Variants in ASB10 observed in about 807,000 individuals in gnomAD.
ASB10 encodes ankyrin repeat and SOCS box protein 10.
ASB10 carries 44 observed loss-of-function variants against 35.4 expected under a neutral mutation model. The ratio of observed to expected loss-of-function variants is 1.24; its 90% CI spans 0.98 to 1.60. ASB10 has a LOEUF of 1.60. ASB10 is among the 40% of genes most tolerant of loss of function. The pLI is 0.00. For missense variants in ASB10, 647 were observed against 634.3 expected, an observed-to-expected ratio of 1.02 and a Z score of -0.22; for synonymous variants, 294 against 280.4, an observed-to-expected ratio of 1.05 and a Z score of -0.49.
intron 5 of ASB10, 57 bp downstream of exon 5, chr7:151,176,055 T>C: frequency 6.3e-7 from 1 of 1,576,816 alleles, no homozygotes; most frequent in Non-Finnish European, 8.6e-7. Context: ...TTCTCTTGCC[T>C]TCCACACATC....
At chr7:151,177,620 G>T (rs527520962) in intron 3 of ASB10, among the ~76,000 whole-genome samples, 2 of 152,224 alleles carry the variant, frequency 1.3e-5, no homozygotes, top group Admixed American at 1.3e-4. Context: ...GGGGCTGGGT[G>T]GGGGACTCAC....
chr7:151,178,680 G>C (rs1010588327), intron 3 of ASB10, among the ~76,000 whole-genome samples: 1 of 152,202 alleles, frequency 6.6e-6, no homozygotes, highest in Admixed American at 6.5e-5. Flanking sequence ...TCTGTCAGAC[G>C]AGAGTACCAA....
At chr7:151,184,612 G>C (rs1387503733) in intron 2 of ASB10, among the ~76,000 whole-genome samples, 1 of 152,144 alleles carries the variant, frequency 6.6e-6, no homozygotes, top group Non-Finnish European at 1.5e-5. Flanking sequence ...TGGGTGGTTA[G>C]TGTTTGATGG....
In ASB10 at chr7:151,186,611, A is replaced by C. The variant is rs756990257; in HGVS notation, c.365T>G (p.Val122Gly). The C allele has an allele frequency of 3.7e-6, 6 of 1,611,044 alleles. No homozygotes were observed. The highest frequency in any genetic ancestry group is 5.1e-6 in the Non-Finnish European group (6 of 1,179,230). The stretch of plus-strand genomic sequence containing the variant: ...TTCCGTGTGGCCACGGCTGGCTGCC[A>C]CATGCAGTGGGGTGGTCAGCTCCTC... ...YEEELTTPLHVAASRGHTEVL... is the reference protein window; with the variant it reads ...YEEELTTPLHGAASRGHTEVL... The change falls in exon 2 of 6, where the codon GTG (valine) becomes GGG (glycine). Residue 122 changes from valine (V) to glycine (G), a missense_variant. Coordinates refer to ENST00000420175, the MANE Select transcript of ASB10 (RefSeq NM_001142459.2).
chr7:151,176,336 A>G, intron 4 of ASB10, 39 bp from the exon 5 acceptor site: 4 of 1,519,776 alleles, frequency 2.6e-6, no homozygotes, highest in Non-Finnish European at 3.5e-6. Flanking sequence ...AGGCAGCCTC[A>G]GACAGGTAGC....
chr7:151,185,563 G>T (rs1185198490), intron 2 of ASB10, among the ~76,000 whole-genome samples: 8 of 152,140 alleles, frequency 5.3e-5, no homozygotes, highest in African/African-American at 1.7e-4. Context: ...AGGCTGATGA[G>T]ATTAACAAGA....
intron 2 of ASB10, 32 bp downstream of exon 2, chr7:151,186,360 G>A (rs757421848): frequency 2.6e-6 from 4 of 1,551,784 alleles, no homozygotes; most frequent in Non-Finnish European, 3.5e-6. Flanking sequence ...CCTTCAGAGT[G>A]GAACTGGGGG....
intron 2 of ASB10, among the ~76,000 whole-genome samples, chr7:151,183,711 G>A (rs1264000196): frequency 3.9e-5 from 6 of 152,088 alleles, no homozygotes; most frequent in Admixed American, 3.9e-4. Context: ...TCAGCCTCCC[G>A]AGTAGCTGGG....
intron 3 of ASB10, among the ~76,000 whole-genome samples, chr7:151,180,044 G>A (rs1017582378): frequency 1.3e-5 from 2 of 152,228 alleles, no homozygotes; most frequent in African/African-American, 4.8e-5. Flanking sequence ...AGCAGGGGTG[G>A]TCCCAGGACA....
rs1801376487 is a variant in ASB10, at chr7:151,175,923, G to T, written c.*44C>A. Reference sequence around the variant, plus strand: ...TAGTGCAGAGGCGCGCCCTCTGCAGGCTGGGGCATCTGCTTTCAGGCCCTC... The same window carrying T: ...TAGTGCAGAGGCGCGCCCTCTGCAGTCTGGGGCATCTGCTTTCAGGCCCTC... On this transcript the variant is annotated 3_prime_UTR_variant, in exon 6 of 6. Coordinates refer to ENST00000420175, the MANE Select transcript of ASB10 (RefSeq NM_001142459.2). 2.7e-6 allele frequency: 2 copies of T among 732,494 alleles called. No individual in the cohort carries two copies. Among genetic ancestry groups the T allele is most frequent in the South Asian group, 2.0e-5 (1 of 50,078 alleles). The allele number at this position is 732,494 out of a possible 1,614,324, so 45.4% of individuals were successfully genotyped here.
chr7:151,187,502 A>G, upstream of ASB10: 14 of 1,551,332 alleles, frequency 9.0e-6, no homozygotes, highest in Non-Finnish European at 1.2e-5. The surrounding 1 kb of genome is among the most constrained non-coding windows in gnomAD (Gnocchi z 5.3). Flanking sequence ...CTCCAGCAGC[A>G]GGTCGGCTGT....
In ASB10 at chr7:151,176,160, C is replaced by T. The variant is rs1156510454; in HGVS notation, c.1356G>A (p.Pro452=). The T allele has an allele frequency of 5.6e-6, 9 of 1,611,692 alleles. No homozygotes were observed. Among genetic ancestry groups the T allele is most frequent in the Admixed American group, 1.7e-5 (1 of 59,992 alleles). Residue 452 remains proline (P), a synonymous_variant, in exon 5 of 6, where the codon CCG becomes CCA. Coordinates refer to ENST00000420175, the MANE Select transcript of ASB10 (RefSeq NM_001142459.2). ...CCAGCTGCAGGTAGCGGAGCAGGCG[C>T]GGTGGCAGGGGGAGGCGGGGCAGCG... ...PQALPRLPLP[P]RLLRYLQLDF... is the part of the protein sequence containing the mutation.
At chr7:151,186,320 C>T (rs1420743926) in intron 2 of ASB10, 72 bp downstream of exon 2, 1 of 1,481,502 alleles carries the variant, frequency 6.7e-7, no homozygotes, top group Middle Eastern at 2.4e-4. Flanking sequence ...ACATTTTCCC[C>T]CATCCTCCCT....
intron 5 of ASB10, 30 bp from the exon 6 acceptor site, chr7:151,175,996 T>C (rs572360917): frequency 3.6e-5 from 46 of 1,273,804 alleles, no homozygotes; most frequent in Non-Finnish European, 4.7e-5. Flanking sequence ...TTCAGAGGCT[T>C]CTGGTGGTTC....
At chr7:151,178,402 G>T (rs556852420) in intron 3 of ASB10, among the ~76,000 whole-genome samples, 34 of 152,352 alleles carry the variant, frequency 2.2e-4, no homozygotes, top group Non-Finnish European at 3.8e-4. Flanking sequence ...CGTCCACGTG[G>T]TCAGAAAAGT....
At chr7:151,186,179 C>A (rs996523705) in intron 2 of ASB10, among the ~76,000 whole-genome samples, 1 of 152,206 alleles carries the variant, frequency 6.6e-6, no homozygotes, top group Admixed American at 6.5e-5. Context: ...TCCCTCCACC[C>A]CTGGGAGACC....
chr7:151,177,985 T>C (rs554422313), intron 3 of ASB10, among the ~76,000 whole-genome samples: 15 of 152,330 alleles, frequency 9.8e-5, no homozygotes, highest in African/African-American at 3.4e-4. Context: ...TGGCGGCTCA[T>C]GCCTGTAATC....
In ASB10 at chr7:151,176,671, C is replaced by T. The variant is rs1396942972; in HGVS notation, c.1110G>A (p.Leu370=). The T allele has an allele frequency of 6.4e-7, 1 of 1,550,472 alleles. No homozygotes were observed. The highest frequency in any genetic ancestry group is 1.2e-5 in the South Asian group (1 of 84,040). ...TCCGAGGGCACGTGCTCCAGCGCTC[C>T]AGCACCTGTGGGAGGCAGAGGCATG... ...RVWPGALPKV[L]ERWSTCPRTI... The change falls in exon 4 of 6, where the codon CTG becomes CTA. Residue 370 remains leucine (L), a synonymous_variant. Transcript: ENST00000420175.
chr7:151,187,662 C>A (rs567935586), upstream of ASB10: 438 of 1,516,828 alleles, frequency 2.9e-4, no homozygotes, highest in Non-Finnish European at 3.6e-4. This position sits in a 1 kb window ranked among gnomAD's most constrained non-coding sequence, Gnocchi z 5.3. Context: ...CAGGCCGGGG[C>A]GGAGGGAAGG....
Sources: gnomAD v4.1 joint callset for allele counts (sites outside exome capture counted in the v4.1 genomes callset) on GRCh38, gnomAD v4.1.1 for gene constraint, Gnocchi (gnomAD v3.1) non-coding constraint, MANE v1.5 for transcripts, NCBI Gene and HGNC (gene_info 2026-07-23, HGNC 2026-07-21) for gene names.